Variants in TMEM132D observed in about 807,000 individuals in gnomAD.
The protein encoded by TMEM132D is transmembrane protein 132D.
A neutral mutation model predicts 62.3 loss-of-function variants in TMEM132D; 21 were observed. That is an observed-to-expected ratio of 0.34 (90% CI 0.24 to 0.49). The LOEUF is 0.49. Ranked by LOEUF, TMEM132D falls within the 20% of genes least tolerant of loss-of-function variation. The pLI, the probability that TMEM132D is intolerant of heterozygous loss-of-function variation, is 0.99. For missense variants in TMEM132D, 1,346 were observed against 1,402.8 expected (o/e 0.96, Z 0.65); for synonymous variants, 621 against 575.6 (o/e 1.08, Z -1.13).
At chr12:129,428,807 C>T (rs990411213) in intron 3 of TMEM132D, among the ~76,000 whole-genome samples, 11 of 152,200 alleles carry the variant, frequency 7.2e-5, no homozygotes, top group Non-Finnish European at 1.2e-4. Flanking sequence ...ATTAATATCA[C>T]GACTGAGCGA....
chr12:129,670,619 G>A (rs372740461), intron 2 of TMEM132D, among the ~76,000 whole-genome samples: 4 of 152,076 alleles, frequency 2.6e-5, no homozygotes, highest in African/African-American at 4.8e-5. Context: ...TCTACTCCCC[G>A]AATGCTTGGG....
intron 8 of TMEM132D, among the ~76,000 whole-genome samples, chr12:129,076,238 A>G (rs1056868424): frequency 3.3e-5 from 5 of 152,252 alleles, no homozygotes; most frequent in Admixed American, 3.3e-4. Context: ...GCATTTATCC[A>G]TAGGAAGACA....
At chr12:129,432,295 A>ATGGATGGATGGATGGATGGATGCT (rs1293090415) in intron 3 of TMEM132D, among the ~76,000 whole-genome samples, 1 of 35,378 alleles carries the variant, frequency 2.8e-5, no homozygotes, top group Non-Finnish European at 5.3e-5. Context: ...GGATGCTTGG[A>ATGGATGGATGGATGGATGGATGCT]TGGATGGATG....
chr12:129,365,480 G>T (rs906588803), intron 3 of TMEM132D, among the ~76,000 whole-genome samples: 2 of 152,130 alleles, frequency 1.3e-5, no homozygotes, highest in African/African-American at 4.8e-5. Flanking sequence ...ATAAATGCCC[G>T]TCTTAGGAGG....
chr12:129,451,582 A>C (rs1262652101), intron 3 of TMEM132D, among the ~76,000 whole-genome samples: 2 of 152,226 alleles, frequency 1.3e-5, no homozygotes, highest in African/African-American at 4.8e-5. Context: ...GTGAAGCCAA[A>C]GACTAAATTT....
chr12:129,197,547 G>A (rs191846757), intron 5 of TMEM132D, among the ~76,000 whole-genome samples: 3 of 152,294 alleles, frequency 2.0e-5, no homozygotes, highest in Admixed American at 2.0e-4. Flanking sequence ...AATGGGAAAG[G>A]ACAGTCTCTT....
At chr12:129,717,700 TAATAA>T (rs759086190) in intron 1 of TMEM132D, among the ~76,000 whole-genome samples, 31 of 150,692 alleles carry the variant, frequency 2.1e-4, no homozygotes, top group Middle Eastern at 3.5e-3. Flanking sequence ...TAAATTAAAA[TAATAA>T]AATAGTTAAC....
At chr12:129,442,194 T>G (rs998810830) in intron 3 of TMEM132D, among the ~76,000 whole-genome samples, 6 of 152,196 alleles carry the variant, frequency 3.9e-5, no homozygotes, top group African/African-American at 1.4e-4. Context: ...GCCAAATCTT[T>G]CCAGCAGCCA....
At chr12:129,303,984 G>C (rs986133245) in intron 4 of TMEM132D, among the ~76,000 whole-genome samples, 1 of 152,152 alleles carries the variant, frequency 6.6e-6, no homozygotes, top group Admixed American at 6.5e-5. Context: ...TTGCGCCCTC[G>C]ATGGCTTAGA....
intron 1 of TMEM132D, among the ~76,000 whole-genome samples, chr12:129,704,489 G>C (rs1167192079): frequency 6.6e-6 from 1 of 152,224 alleles, no homozygotes; most frequent in East Asian, 1.9e-4. Flanking sequence ...CCCTAACAGA[G>C]ACAGTGATGG....
chr12:129,357,225 T>C (rs1480357325), intron 3 of TMEM132D, among the ~76,000 whole-genome samples: 1 of 128,932 alleles, frequency 7.8e-6, no homozygotes, highest in Non-Finnish European at 1.6e-5. Flanking sequence ...CCAGCCTGGG[T>C]GACAGAGTGA....
chr12:129,362,411 C>A (rs1020321270), intron 3 of TMEM132D, among the ~76,000 whole-genome samples: 4 of 145,846 alleles, frequency 2.7e-5, no homozygotes, highest in African/African-American at 7.6e-5. Context: ...GGAGCAGCCC[C>A]CACCCACCCG....
chr12:129,370,475 A>G (rs1158492178), intron 3 of TMEM132D, among the ~76,000 whole-genome samples: 3 of 152,210 alleles, frequency 2.0e-5, no homozygotes, highest in East Asian at 3.9e-4. Flanking sequence ...CCCCTTGCAC[A>G]CAGAACAACT....
chr12:129,774,085 C>T (rs1290157148), intron 1 of TMEM132D, among the ~76,000 whole-genome samples: 2 of 152,138 alleles, frequency 1.3e-5, no homozygotes, highest in African/African-American at 2.4e-5. Context: ...TAGTCACACA[C>T]AGAAATGTAA....
At chr12:129,497,538 C>G (rs1278510959) in intron 3 of TMEM132D, among the ~76,000 whole-genome samples, 1 of 152,120 alleles carries the variant, frequency 6.6e-6, no homozygotes, top group African/African-American at 2.4e-5. Flanking sequence ...CCTTTAACCT[C>G]TCTAATTATT....
chr12:129,660,121 A>T (rs1880197660), intron 2 of TMEM132D, among the ~76,000 whole-genome samples: 1 of 152,194 alleles, frequency 6.6e-6, no homozygotes, highest in Non-Finnish European at 1.5e-5. Context: ...GGAAAAGGAG[A>T]TTAAGGCCAG....
At chr12:129,508,060 A>G (rs924272075) in intron 3 of TMEM132D, among the ~76,000 whole-genome samples, 1 of 152,124 alleles carries the variant, frequency 6.6e-6, no homozygotes, top group Non-Finnish European at 1.5e-5. Flanking sequence ...TCCTATCTTT[A>G]GGAAGATGGG....
At chr12:129,436,436 G>T (rs1367047183) in intron 3 of TMEM132D, among the ~76,000 whole-genome samples, 1 of 151,934 alleles carries the variant, frequency 6.6e-6, no homozygotes, top group African/African-American at 2.4e-5. Flanking sequence ...GGATAATATG[G>T]TCTTATTTGT....
chr12:129,207,984 T>G (rs955889400), intron 5 of TMEM132D, among the ~76,000 whole-genome samples: 15 of 152,248 alleles, frequency 9.9e-5, no homozygotes, highest in Non-Finnish European at 1.5e-4. Flanking sequence ...CCAACTGATC[T>G]ATCTAACATG....
Sources: allele counts gnomAD v4.1 joint callset (sites outside exome capture counted in the v4.1 genomes callset), GRCh38; gene constraint gnomAD v4.1.1; transcripts MANE v1.5; gene names NCBI Gene and HGNC (gene_info 2026-07-23, HGNC 2026-07-21).